Variants in ATP8B4 observed in about 807,000 individuals in gnomAD.
ATP8B4 encodes the protein probable phospholipid-transporting ATPase IM.
ATP8B4 carries 133 observed loss-of-function variants against 145.6 expected under a neutral mutation model. That is an observed-to-expected ratio of 0.91 (90% CI 0.79 to 1.05). The LOEUF (loss-of-function observed/expected upper bound fraction) is 1.05. Ranked by LOEUF, ATP8B4 falls within the 50% of genes least tolerant of loss-of-function variation. ATP8B4 has a pLI of 0.00. For missense variants in ATP8B4, 1,458 were observed against 1,425.2 expected (o/e 1.02, Z -0.37); for synonymous variants, 507 against 492.9 (o/e 1.03, Z -0.38).
At chr15:50,008,875 C>T (rs1281817694) in intron 7 of ATP8B4, among the ~76,000 whole-genome samples, 1 of 152,160 alleles carries the variant, frequency 6.6e-6, no homozygotes, top group African/African-American at 2.4e-5. Context: ...ATTGTTTTTA[C>T]TGAATACCTG....
intron 1 of ATP8B4, among the ~76,000 whole-genome samples, chr15:50,152,785 T>G (rs1318340108): frequency 6.6e-6 from 1 of 152,186 alleles, no homozygotes; most frequent in African/African-American, 2.4e-5. Context: ...TTTTAAAACC[T>G]TAACCCTTTC....
intron 3 of ATP8B4, among the ~76,000 whole-genome samples, chr15:50,049,790 T>G (rs932229376): frequency 1.5e-4 from 23 of 152,268 alleles, no homozygotes; most frequent in African/African-American, 5.5e-4. Context: ...CATTCCTTTT[T>G]CTCTGCAACC....
intron 20 of ATP8B4, chr15:49,907,932 A>T (rs2038799465): frequency 5.0e-6 from 2 of 398,894 alleles, no homozygotes; most frequent in South Asian, 3.7e-5. Context: ...GGGAATAAAA[A>T]TAAATCTGAG....
intron 1 of ATP8B4, among the ~76,000 whole-genome samples, chr15:50,172,195 G>T (rs562950356): frequency 1.3e-5 from 2 of 152,184 alleles, no homozygotes; most frequent in Non-Finnish European, 2.9e-5. Flanking sequence ...GATGCCGAGC[G>T]GAGGCTGGAC....
At chr15:50,038,624 T>TA in intron 6 of ATP8B4, 144 bp downstream of exon 6, 1 of 646,634 alleles carries the variant, frequency 1.5e-6, no homozygotes, top group African/African-American at 1.8e-5. Flanking sequence ...GCCATGAAGA[T>TA]AAAATGGAAT....
chr15:49,946,253 G>C (rs999515913), intron 14 of ATP8B4, among the ~76,000 whole-genome samples: 1 of 152,138 alleles, frequency 6.6e-6, no homozygotes, highest in Non-Finnish European at 1.5e-5. Context: ...CTCATCTAAA[G>C]TAACATCAAA....
chr15:50,062,969 G>C (rs1485425161), intron 3 of ATP8B4, among the ~76,000 whole-genome samples: 2 of 151,954 alleles, frequency 1.3e-5, no homozygotes, highest in African/African-American at 2.4e-5. Flanking sequence ...TAAGTGGTTT[G>C]CAAGAATCAT....
intron 14 of ATP8B4, among the ~76,000 whole-genome samples, chr15:49,946,497 G>T (rs2042576407): frequency 6.6e-6 from 1 of 152,160 alleles, no homozygotes; most frequent in African/African-American, 2.4e-5. Flanking sequence ...AGCAGACTGG[G>T]TTCCCCAATT....
At chr15:49,880,802 TAAC>T (rs1194569226) in intron 23 of ATP8B4, 1 of 150,772 alleles carries the variant, frequency 6.6e-6, no homozygotes, top group African/African-American at 2.4e-5. Flanking sequence ...GATAAATGTT[TAAC>T]AACAGGCTAA....
rs140191593 is a variant in ATP8B4 at position 50,059,100 on chromosome 15, C to T, written c.88-11636G>A. On this transcript the variant is annotated intron_variant, in intron 3 of 27. Coordinates refer to ENST00000284509, the MANE Select transcript of ATP8B4 (RefSeq NM_024837.4). ...AATTTTCACCAAATTTGAGGTTATG[C>T]TTGAGATAGTCTGAGTTAAATAAAG... is the stretch of plus-strand genomic sequence containing the variant. Among the ~76,000 whole-genome samples the T allele has an allele frequency of 1.9e-3, 286 of 152,252 alleles. 3 individuals carry two copies. Among genetic ancestry groups the T allele is most frequent in the African/African-American group, 6.6e-3 (273 of 41,530 alleles).
intron 1 of ATP8B4, among the ~76,000 whole-genome samples, chr15:50,110,600 T>C (rs911179387): frequency 1.3e-5 from 2 of 152,216 alleles, no homozygotes; most frequent in South Asian, 4.1e-4. Context: ...AATTTAACCC[T>C]TTACAAGTAC....
chr15:49,882,134 C>A (rs1351611667), intron 23 of ATP8B4, among the ~76,000 whole-genome samples: 1 of 152,094 alleles, frequency 6.6e-6, no homozygotes, highest in Non-Finnish European at 1.5e-5. Flanking sequence ...TCGATAGGCA[C>A]TGAACCTTCT....
chr15:49,899,133 A>G (rs1395231141), intron 21 of ATP8B4, among the ~76,000 whole-genome samples: 3 of 152,068 alleles, frequency 2.0e-5, no homozygotes, highest in African/African-American at 4.8e-5. Flanking sequence ...TTAAGTCTAC[A>G]CTTTTTTTCC....
chr15:49,981,815 T>C (rs960006406), intron 10 of ATP8B4, among the ~76,000 whole-genome samples: 1 of 152,130 alleles, frequency 6.6e-6, no homozygotes, highest in Non-Finnish European at 1.5e-5. Context: ...TTGTGTATTG[T>C]ATACTGCACG....
chr15:50,087,104 AGATTATATT>A (rs1462694969), intron 2 of ATP8B4, among the ~76,000 whole-genome samples: 3 of 49,948 alleles, frequency 6.0e-5, no homozygotes, highest in Non-Finnish European at 9.6e-5. Flanking sequence ...TAATAAATAT[AGATTATATT>A]TATTATATAT....
chr15:50,180,076 A>G (rs1358261289), intron 1 of ATP8B4, among the ~76,000 whole-genome samples: 1 of 152,172 alleles, frequency 6.6e-6, no homozygotes. Context: ...GAAATTGATT[A>G]TACTCTCACC....
At chr15:49,870,600 G>A (rs13329607) in intron 25 of ATP8B4, among the ~76,000 whole-genome samples, 16 of 152,156 alleles carry the variant, frequency 1.1e-4, no homozygotes, top group African/African-American at 3.9e-4. Flanking sequence ...AAACAGTGAG[G>A]AAAGGATATT....
intron 23 of ATP8B4, among the ~76,000 whole-genome samples, chr15:49,893,607 CAT>C (rs757655759): frequency 6.6e-6 from 1 of 152,046 alleles, no homozygotes; most frequent in Non-Finnish European, 1.5e-5. Flanking sequence ...TAGGAAAACT[CAT>C]AGAAAAAGAA....
intron 20 of ATP8B4, chr15:49,901,760 A>G: frequency 2.5e-6 from 1 of 406,850 alleles, no homozygotes. Flanking sequence ...AAAAAAATTT[A>G]ACAAGAAGAA....
Sources: allele counts gnomAD v4.1 joint callset (sites outside exome capture counted in the v4.1 genomes callset), GRCh38; gene constraint gnomAD v4.1.1; transcripts MANE v1.5; gene names NCBI Gene and HGNC (gene_info 2026-07-23, HGNC 2026-07-21).